ANKRD28: variants seen among roughly 807,000 people sequenced by gnomAD.
ANKRD28 encodes serine/threonine-protein phosphatase 6 regulatory ankyrin repeat subunit A.
ANKRD28 carries 44 observed loss-of-function variants against 126.5 expected under a neutral mutation model. That is an observed-to-expected ratio of 0.35 (90% CI 0.27 to 0.45). The LOEUF is 0.45. Ranked by LOEUF, ANKRD28 falls within the 20% of genes least tolerant of loss-of-function variation. ANKRD28 has a pLI of 1.00. For missense variants in ANKRD28, 1,110 were observed against 1,316.6 expected (o/e 0.84, Z 2.43); for synonymous variants, 442 against 468.5 (o/e 0.94, Z 0.73).
intron 1 of ANKRD28, among the ~76,000 whole-genome samples, chr3:15,852,812 G>A (rs1035419634): frequency 7.5e-5 from 9 of 119,698 alleles, no homozygotes; most frequent in Admixed American, 3.7e-4. Flanking sequence ...CAGCCTGGGC[G>A]ACAGTGCGAG....
intron 17 of ANKRD28, 87 bp from the exon 18 acceptor site, chr3:15,690,307 G>A (rs2068624200): frequency 1.8e-6 from 2 of 1,103,752 alleles, no homozygotes; most frequent in Non-Finnish European, 2.5e-6. Flanking sequence ...AAGCAAACTT[G>A]TCTTCATATT....
chr3:15,825,069 T>C (rs551556872), intron 1 of ANKRD28, among the ~76,000 whole-genome samples: 1 of 152,334 alleles, frequency 6.6e-6, no homozygotes, highest in South Asian at 2.1e-4. Context: ...TTGGCTTATC[T>C]GTTGTAAAAT....
In ANKRD28 at chr3:15,668,003, G is replaced by A. The variant is rs915213012; in HGVS notation, c.*2267C>T. On this transcript the variant is annotated 3_prime_UTR_variant, in exon 28 of 28. Transcript: ENST00000683139. The stretch of plus-strand genomic sequence containing the variant: ...AAAGAGAAGACATGGCAGAATGTGC[G>A]AGATTCATCCTTCCAACATTCTCAG... 1.8e-4 allele frequency: 28 copies of A among 152,328 alleles called. No homozygotes were observed. Among genetic ancestry groups the A allele is most frequent in the African/African-American group, 6.0e-4 (25 of 41,566 alleles). 9.4% of individuals were successfully genotyped at this position (152,328 alleles called of 1,614,324 possible). A position where few individuals can be genotyped will look rare whatever the true frequency, so the allele number is the denominator to read the frequency against.
chr3:15,850,200 A>ATATATATAT lies in ANKRD28; in HGVS notation c.27+9176_27+9177insATATATATA, dbSNP rs1208827136. Among the ~76,000 whole-genome samples, 338 of 47,380 alleles carry ATATATATAT rather than the reference A, an allele frequency of 7.1e-3. 10 individuals carry two copies. The highest frequency in any genetic ancestry group is 0.016 in the East Asian group (30 of 1,828). 31.1% of individuals were successfully genotyped at this position (47,380 alleles called of 152,430 possible). ...GGTATCTACATGCAATAAAAAAAAA[A>ATATATATAT]AAAAATATATATATATATATATATA... On this transcript the variant is annotated intron_variant, in intron 1 of 27. Transcript: ENST00000399451.
chr3:15,737,884 TAGG>T (rs1054382740), intron 4 of ANKRD28, among the ~76,000 whole-genome samples: 1 of 131,292 alleles, frequency 7.6e-6, no homozygotes, highest in Non-Finnish European at 1.6e-5. Flanking sequence ...GAAAAATCAC[TAGG>T]ATCAATTTCA....
intron 2 of ANKRD28, among the ~76,000 whole-genome samples, chr3:15,787,696 C>A (rs2059841700): frequency 6.6e-6 from 1 of 152,142 alleles, no homozygotes; most frequent in African/African-American, 2.4e-5. Flanking sequence ...TCAGAAACAT[C>A]AACAGCTTGG....
chr3:15,803,595 G>A lies in ANKRD28; in HGVS notation c.28-8289C>T, dbSNP rs528049569. On this transcript the variant is annotated intron_variant, in intron 1 of 27. Coordinates refer to the ANKRD28 transcript ENST00000399451. ...TCACACCACGGCACTCCAGCCTGGC[G>A]ACAGAGCGAGACTCCATTTAAAAAA... 9.0e-5 allele frequency among the ~76,000 whole-genome samples: 13 copies of A among 145,216 alleles called. No homozygotes were observed. In the East Asian group the frequency reaches 2.5e-3, roughly 28 times the overall value.
chr3:15,784,778 A>G (rs1296904342), intron 2 of ANKRD28, among the ~76,000 whole-genome samples: 1 of 152,084 alleles, frequency 6.6e-6, no homozygotes, highest in East Asian at 1.9e-4. Flanking sequence ...TTTAAAATAT[A>G]AAGATGCAAA....
chr3:15,775,704 G>A (rs973987235), intron 2 of ANKRD28, among the ~76,000 whole-genome samples: 7 of 152,168 alleles, frequency 4.6e-5, no homozygotes, highest in South Asian at 2.1e-4. Context: ...TGAAAGAGAC[G>A]TATAAGGCAC....
chr3:15,859,727 C>CCTCACGCCCCCTT (rs1263535887), exon 1 of ANKRD28: 2 of 157,000 alleles, frequency 1.3e-5, no homozygotes, highest in Admixed American at 1.3e-4. Flanking sequence ...GCCGCCGCCT[C>CCTCACGCCCCCTT]CTCACGCCCC....
chr3:15,694,604 C>A (rs776827050), intron 17 of ANKRD28, 135 bp downstream of exon 17: 105 of 532,946 alleles, frequency 2.0e-4, no homozygotes, highest in Non-Finnish European at 3.1e-4. Flanking sequence ...AAAGAAAGTT[C>A]TCAAAGTTTT....
At chr3:15,807,096 G>A (rs2060599397) in intron 1 of ANKRD28, among the ~76,000 whole-genome samples, 1 of 152,120 alleles carries the variant, frequency 6.6e-6, no homozygotes, top group Non-Finnish European at 1.5e-5. Flanking sequence ...AGAACCTTAG[G>A]ATAACTCCCT....
At chr3:15,784,724 G>A (rs969507898) in intron 2 of ANKRD28, among the ~76,000 whole-genome samples, 3 of 151,854 alleles carry the variant, frequency 2.0e-5, no homozygotes, top group South Asian at 2.1e-4. Flanking sequence ...TGTCAGACTC[G>A]ATCAAAAAAC....
chr3:15,747,570 T>C (rs1338297721), intron 4 of ANKRD28, among the ~76,000 whole-genome samples: 6 of 152,202 alleles, frequency 3.9e-5, no homozygotes, highest in African/African-American at 1.4e-4. Context: ...CTTGATATAA[T>C]TTAGGTTTTC....
chr3:15,835,247 A>G (rs1263362639), intron 1 of ANKRD28, among the ~76,000 whole-genome samples: 1 of 152,230 alleles, frequency 6.6e-6, no homozygotes, highest in Non-Finnish European at 1.5e-5. Context: ...CATTCCATAT[A>G]CACAAACAGT....
chr3:15,793,341 C>G (rs1311588567), intron 2 of ANKRD28, among the ~76,000 whole-genome samples: 2 of 152,028 alleles, frequency 1.3e-5, no homozygotes, highest in East Asian at 3.9e-4. Context: ...GAAAGGGTCA[C>G]GAGAGAAAAG....
chr3:15,715,097 CTAAA>C (rs1356570114), intron 8 of ANKRD28, among the ~76,000 whole-genome samples: 3 of 152,234 alleles, frequency 2.0e-5, no homozygotes, highest in Non-Finnish European at 2.9e-5. Flanking sequence ...GTTACGTGTA[CTAAA>C]TATTTTCTCA....
At chr3:15,792,619 A>G (rs1342457839) in intron 2 of ANKRD28, among the ~76,000 whole-genome samples, 2 of 152,306 alleles carry the variant, frequency 1.3e-5, no homozygotes, top group South Asian at 2.1e-4. Flanking sequence ...GTACAAAAAA[A>G]TAGAATAAGA....
At chr3:15,707,897 CT>C in intron 14 of ANKRD28, 26 bp downstream of exon 14, 1 of 1,589,254 alleles carries the variant, frequency 6.3e-7, no homozygotes, top group Non-Finnish European at 8.6e-7. Flanking sequence ...AATATTGATC[CT>C]CCACTCTCAC....
Sources: gnomAD v4.1 joint callset for allele counts (sites outside exome capture counted in the v4.1 genomes callset) on GRCh38, gnomAD v4.1.1 for gene constraint, MANE v1.5 for transcripts, NCBI Gene and HGNC (gene_info 2026-07-23, HGNC 2026-07-21) for gene names.